The following SUSD1 variants were observed in gnomAD, a reference collection of about 807,000 sequenced individuals.
SUSD1 encodes sushi domain-containing protein 1.
SUSD1 carries 65 observed loss-of-function variants against 86.9 expected under a neutral mutation model. The observed-to-expected ratio is 0.75, with a 90% CI of 0.61 to 0.92. SUSD1 has a LOEUF of 0.92. Among genes scored for constraint, SUSD1 ranks in the 40% least tolerant of loss-of-function variants. The probability of loss-of-function intolerance (pLI) is 0.00; values close to 1 mark genes in which losing one functional copy is unlikely to be tolerated. For synonymous variants in SUSD1, 346 were observed against 350.0 expected, an observed-to-expected ratio of 0.99 and a Z score of 0.13; for missense variants, 850 against 929.7, an observed-to-expected ratio of 0.91 and a Z score of 1.11.
chr9:112,149,102 AT>A (rs1564340684), intron 3 of SUSD1, 141 bp downstream of exon 3: 1 of 1,210,410 alleles, frequency 8.3e-7, no homozygotes, highest in Non-Finnish European at 1.2e-6. Flanking sequence ...ATCTCCCAAA[AT>A]AAGAATATTA....
rs542632774 is a variant in SUSD1 at position 112,043,176 on chromosome 9, T to C, written c.2150-1216A>G. ...CTTTGCAAGACTAACAAATTAGCCA[T>C]GAGATTAGAAATTATGGTTTAGGGG... On this transcript the variant is annotated intron_variant, in intron 15 of 16. Transcript: ENST00000374270. Among the ~76,000 whole-genome samples the C allele has an allele frequency of 7.9e-5, 12 of 152,298 alleles. No individual in the cohort carries two copies. The South Asian group carries it at 2.1e-3, about 26-fold the overall frequency.
At chr9:112,134,648 C>T (rs1832179262) in intron 5 of SUSD1, among the ~76,000 whole-genome samples, 1 of 151,940 alleles carries the variant, frequency 6.6e-6, no homozygotes, top group African/African-American at 2.4e-5. Flanking sequence ...CTGTTGGGTA[C>T]CATGCTCACT....
In SUSD1 at chr9:112,175,239, G is replaced by T. The variant is rs1252267587; in HGVS notation, c.-4C>A. The T allele has an allele frequency of 5.2e-6, 6 of 1,146,536 alleles. No individual in the cohort carries two copies. The highest frequency in any genetic ancestry group is 4.8e-5 in the Admixed American group (1 of 20,806). 71.0% of individuals were successfully genotyped at this position (1,146,536 alleles called of 1,614,324 possible). A position where few individuals can be genotyped will look rare whatever the true frequency, so the allele number is the denominator to read the frequency against. ...CATCCCAGGGCCCCCGGCCCATGCCGCCGCCGGTCCCTCCCGGCGCGCCCG... is the reference window on the plus strand; with the variant it reads ...CATCCCAGGGCCCCCGGCCCATGCCTCCGCCGGTCCCTCCCGGCGCGCCCG... On this transcript the variant is annotated 5_prime_UTR_variant, in exon 1 of 17. Transcript: ENST00000374270. The surrounding 1 kb of genome is among the most constrained non-coding windows in gnomAD (Gnocchi z 4.7).
intron 6 of SUSD1, among the ~76,000 whole-genome samples, chr9:112,115,713 G>A (rs1352478575): frequency 1.3e-5 from 2 of 149,116 alleles, no homozygotes; most frequent in Non-Finnish European, 3.0e-5. Context: ...GGAGACTGAG[G>A]CACGAGAACT....
intron 8 of SUSD1, chr9:112,103,134 A>G: frequency 2.2e-6 from 1 of 461,440 alleles, no homozygotes; most frequent in Non-Finnish European, 4.4e-6. Context: ...ACTACCTTTT[A>G]TATGTGTATT....
intron 5 of SUSD1, among the ~76,000 whole-genome samples, chr9:112,125,121 C>T (rs1831715980): frequency 3.9e-5 from 6 of 151,956 alleles, no homozygotes; most frequent in Admixed American, 3.9e-4. Context: ...AAAAATCGAT[C>T]CGTTTATCTT....
At chr9:112,145,037 T>C (rs949673066) in intron 3 of SUSD1, among the ~76,000 whole-genome samples, 3 of 151,736 alleles carry the variant, frequency 2.0e-5, no homozygotes, top group African/African-American at 7.3e-5. Flanking sequence ...AGTCCGGGAG[T>C]TCAAGGCCGG....
At chr9:112,072,369 G>A (rs115655240) in intron 12 of SUSD1, among the ~76,000 whole-genome samples, 3 of 151,674 alleles carry the variant, frequency 2.0e-5, no homozygotes, top group African/African-American at 7.3e-5. Context: ...GGCTGGTCTC[G>A]AACTCACCCA....
chr9:112,125,150 G>A (rs375744339), intron 5 of SUSD1, among the ~76,000 whole-genome samples: 46 of 152,000 alleles, frequency 3.0e-4, no homozygotes, highest in African/African-American at 9.6e-4. Flanking sequence ...AAAAAAAATC[G>A]AAAAAATGAA....
At chr9:112,173,266 C>G (rs370898645) in intron 1 of SUSD1, among the ~76,000 whole-genome samples, 3 of 152,090 alleles carry the variant, frequency 2.0e-5, no homozygotes, top group Non-Finnish European at 4.4e-5. Flanking sequence ...GGTAAAAGTC[C>G]CAAGCCAAAG....
At chr9:112,172,677 C>G (rs1354498341) in intron 1 of SUSD1, among the ~76,000 whole-genome samples, 1 of 152,160 alleles carries the variant, frequency 6.6e-6, no homozygotes, top group Non-Finnish European at 1.5e-5. Context: ...GTCATCTTTC[C>G]CCTTCTGTTC....
intron 8 of SUSD1, among the ~76,000 whole-genome samples, chr9:112,107,254 C>CAAAAAAAAAAAAAA (rs71382407): frequency 4.5e-5 from 3 of 66,182 alleles, no homozygotes; most frequent in Non-Finnish European, 5.4e-5. Context: ...GACCATATCT[C>CAAAAAAAAAAAAAA]AAAAAAAAAA....
intron 6 of SUSD1, among the ~76,000 whole-genome samples, chr9:112,120,788 C>A (rs1042499614): frequency 1.3e-5 from 2 of 152,200 alleles, no homozygotes; most frequent in Non-Finnish European, 2.9e-5. Flanking sequence ...ATGCCCCATG[C>A]AGATCCACTG....
In SUSD1 at chr9:112,175,094, C is replaced by T; in HGVS notation, c.103+39G>A. 3.0e-6 allele frequency: 3 copies of T among 1,005,040 alleles called. No homozygotes were observed. Among genetic ancestry groups the T allele is most frequent in the Non-Finnish European group, 3.6e-6 (3 of 844,210 alleles). The allele number at this position is 1,005,040 out of a possible 1,614,324, so 62.3% of individuals were successfully genotyped here. On this transcript the variant is annotated intron_variant, in intron 1 of 16. Coordinates refer to ENST00000374270, the MANE Select transcript of SUSD1 (RefSeq NM_022486.5). This position sits in a 1 kb window ranked among gnomAD's most constrained non-coding sequence, Gnocchi z 4.7. ...AGAGTCCTCGAGGCCCAGCCGGGGG[C>T]CCCGCCGGCCGCCCGTGCCCGTCCC... is the stretch of plus-strand genomic sequence containing the variant.
At chr9:112,066,256 G>A (rs986111260) in intron 12 of SUSD1, among the ~76,000 whole-genome samples, 1 of 152,198 alleles carries the variant, frequency 6.6e-6, no homozygotes, top group East Asian at 1.9e-4. Flanking sequence ...GTAAGGAACA[G>A]AGCTTGGGGG....
chr9:112,058,959 A>G (rs1435233571), intron 13 of SUSD1, among the ~76,000 whole-genome samples: 1 of 151,996 alleles, frequency 6.6e-6, no homozygotes, highest in Non-Finnish European at 1.5e-5. Context: ...ACGCCCAACT[A>G]ACTTTTGTAT....
chr9:112,075,411 A>G (rs946280095), intron 12 of SUSD1, among the ~76,000 whole-genome samples: 3 of 124,304 alleles, frequency 2.4e-5, no homozygotes, highest in Admixed American at 1.5e-4. Flanking sequence ...GAAAGAAAAT[A>G]AAAAAAAAAT....
At chr9:112,057,471 C>T (rs543341751) in intron 14 of SUSD1, among the ~76,000 whole-genome samples, 2 of 152,166 alleles carry the variant, frequency 1.3e-5, no homozygotes, top group African/African-American at 2.4e-5. Context: ...AATGAAAAGG[C>T]CTTGTCTAAG....
Position 112,078,593 on chromosome 9 carries a change from G to A in SUSD1, c.1698C>T (p.Leu566=). The A allele has an allele frequency of 6.2e-7, 1 of 1,613,956 alleles. No individual in the cohort carries two copies. The highest frequency in any genetic ancestry group is 8.5e-7 in the Non-Finnish European group (1 of 1,179,876). ...CAGGAAGTTCCGAAGACAGAGCCCG[G>A]AGACTGACATTGTAGTTGGTACCCG... is the stretch of plus-strand genomic sequence containing the variant. The part of the protein sequence containing the change: ...LRPGTNYNVS[L]RALSSELPVV... The change falls in exon 12 of 17, where the codon CTC becomes CTT. Residue 566 remains leucine (L), a synonymous_variant. Coordinates refer to ENST00000374270, the MANE Select transcript of SUSD1 (RefSeq NM_022486.5).
Sources: gnomAD v4.1 joint callset for allele counts (sites outside exome capture counted in the v4.1 genomes callset) on GRCh38, gnomAD v4.1.1 for gene constraint, Gnocchi (gnomAD v3.1) non-coding constraint, MANE v1.5 for transcripts, NCBI Gene and HGNC (gene_info 2026-07-23, HGNC 2026-07-21) for gene names.